Variants in CSMD1 observed in about 807,000 individuals in gnomAD.
CSMD1 encodes CUB and sushi domain-containing protein 1.
CSMD1 carries 213 observed loss-of-function variants against 417.5 expected under a neutral mutation model. The observed-to-expected ratio is 0.51, with a 90% CI of 0.46 to 0.57. The LOEUF is 0.57. Among genes scored for constraint, CSMD1 ranks in the 20% least tolerant of loss-of-function variants. CSMD1 has a pLI of 0.00. For synonymous variants in CSMD1, 2,862 were observed against 1,736.8 expected, an observed-to-expected ratio of 1.65 and a Z score of -16.11; for missense variants, 6,923 against 4,529.7, an observed-to-expected ratio of 1.53 and a Z score of -15.17.
intron 25 of CSMD1, among the ~76,000 whole-genome samples, chr8:3,289,566 C>G (rs1181690555): frequency 5.4e-5 from 6 of 110,360 alleles, no homozygotes; most frequent in African/African-American, 1.3e-4. Context: ...TTGCATTTCT[C>G]TGATGGCCGG....
At chr8:4,082,977 G>C (rs1800221061) in intron 3 of CSMD1, among the ~76,000 whole-genome samples, 1 of 151,804 alleles carries the variant, frequency 6.6e-6, no homozygotes, top group Admixed American at 6.6e-5. Flanking sequence ...GGACTCCATG[G>C]TGTATATGTG....
chr8:3,318,433 G>A (rs924760954), intron 23 of CSMD1, among the ~76,000 whole-genome samples: 1 of 152,142 alleles, frequency 6.6e-6, no homozygotes, highest in Non-Finnish European at 1.5e-5. Flanking sequence ...AGACGCCGAA[G>A]ATACAAAATT....
At chr8:3,809,448 T>A (rs1381819492) in intron 5 of CSMD1, among the ~76,000 whole-genome samples, 1 of 152,240 alleles carries the variant, frequency 6.6e-6, no homozygotes, top group African/African-American at 2.4e-5. Context: ...TAGTACAAAC[T>A]ACCTGGTTCC....
intron 3 of CSMD1, among the ~76,000 whole-genome samples, chr8:4,405,093 C>T (rs910922259): frequency 2.0e-4 from 30 of 152,182 alleles, no homozygotes; most frequent in Non-Finnish European, 4.4e-4. Context: ...GTACAGCGTT[C>T]AGAAGAGATT....
chr8:3,291,669 G>A (rs998262734), intron 25 of CSMD1, among the ~76,000 whole-genome samples: 5 of 152,080 alleles, frequency 3.3e-5, no homozygotes, highest in African/African-American at 9.7e-5. Flanking sequence ...GATCGGTGGT[G>A]ATATTACCTT....
At chr8:4,006,754 C>A (rs994314217) in intron 4 of CSMD1, among the ~76,000 whole-genome samples, 1 of 151,822 alleles carries the variant, frequency 6.6e-6, no homozygotes, top group Non-Finnish European at 1.5e-5. Context: ...AGGAACTCAC[C>A]ACTATTTATT....
chr8:4,748,588 C>T (rs1585037961), intron 1 of CSMD1, among the ~76,000 whole-genome samples: 2 of 152,262 alleles, frequency 1.3e-5, no homozygotes, highest in African/African-American at 2.4e-5. Flanking sequence ...TCTGAGAAGA[C>T]TCACGGGGAG....
intron 23 of CSMD1, among the ~76,000 whole-genome samples, chr8:3,328,818 G>C (rs1056053874): frequency 2.6e-5 from 4 of 152,186 alleles, no homozygotes; most frequent in African/African-American, 9.7e-5. Context: ...TGGGGAATTA[G>C]TTATATATGA....
chr8:3,707,874 T>C (rs906183293), intron 7 of CSMD1, among the ~76,000 whole-genome samples: 2 of 152,112 alleles, frequency 1.3e-5, no homozygotes, highest in African/African-American at 4.8e-5. Context: ...CCTTCATTCC[T>C]CCCACAGCTA....
At chr8:3,299,467 G>C (rs1022474735) in intron 25 of CSMD1, among the ~76,000 whole-genome samples, 20 of 152,086 alleles carry the variant, frequency 1.3e-4, no homozygotes, top group African/African-American at 4.8e-4. Flanking sequence ...AAAAAGGAAT[G>C]CAATGTGGTA....
At chr8:3,332,477 A>T (rs969005565) in intron 23 of CSMD1, among the ~76,000 whole-genome samples, 2 of 152,188 alleles carry the variant, frequency 1.3e-5, no homozygotes, top group African/African-American at 4.8e-5. Context: ...TGCTTAGGGA[A>T]GATCGAGGCA....
At chr8:4,427,155 G>C (rs896918723) in intron 2 of CSMD1, among the ~76,000 whole-genome samples, 1 of 150,450 alleles carries the variant, frequency 6.6e-6, no homozygotes, top group Non-Finnish European at 1.5e-5. Flanking sequence ...GGTGAGGACA[G>C]AATCTACACA....
chr8:4,174,014 C>T (rs13274585), intron 3 of CSMD1, among the ~76,000 whole-genome samples: 2 of 151,968 alleles, frequency 1.3e-5, no homozygotes, highest in Non-Finnish European at 2.9e-5. Context: ...GGATCAATCA[C>T]CATGGCCAAG....
intron 1 of CSMD1, among the ~76,000 whole-genome samples, chr8:4,715,644 C>A (rs772426528): frequency 6.6e-6 from 1 of 152,164 alleles, no homozygotes; most frequent in Non-Finnish European, 1.5e-5. Context: ...CCTTCAAAAT[C>A]ATTTCTCTTC....
chr8:3,304,339 A>C (rs1320234716), intron 25 of CSMD1, among the ~76,000 whole-genome samples: 1 of 152,194 alleles, frequency 6.6e-6, no homozygotes, highest in South Asian at 2.1e-4. Context: ...GCTAATATCA[A>C]GGCTAAGACC....
intron 5 of CSMD1, among the ~76,000 whole-genome samples, chr8:3,763,989 G>A (rs551183772): frequency 3.3e-5 from 5 of 152,214 alleles, no homozygotes. Context: ...CCCCACATCT[G>A]TCTGTTTGTC....
Position 4,847,480 on chromosome 8 carries a change from C to T in CSMD1, c.85+146852G>A, listed in dbSNP as rs184694691. On this transcript the variant is annotated intron_variant, in intron 1 of 69. Coordinates refer to ENST00000635120, the MANE Select transcript of CSMD1 (RefSeq NM_033225.6). The stretch of plus-strand genomic sequence containing the variant: ...AGAGAATTTCCATACACCTAATACC[C>T]GACTACCCCACTATTAACATGTTAA... 3.3e-3 allele frequency among the ~76,000 whole-genome samples: 509 copies of T among 152,126 alleles called. 3 individuals carry two copies. The highest frequency in any genetic ancestry group is 0.014 in the Middle Eastern group (4 of 294).
chr8:4,036,533 T>C (rs779329488), intron 3 of CSMD1, among the ~76,000 whole-genome samples: 2 of 152,194 alleles, frequency 1.3e-5, no homozygotes, highest in Non-Finnish European at 2.9e-5. Flanking sequence ...ACCATAAAAT[T>C]GAATATGAAA....
At chr8:3,871,106 A>T (rs35861123) in intron 5 of CSMD1, among the ~76,000 whole-genome samples, 4 of 152,034 alleles carry the variant, frequency 2.6e-5, no homozygotes, top group African/African-American at 9.7e-5. Context: ...CTATTAATAG[A>T]CATCTAGAAT....
Sources: gnomAD v4.1 joint callset for allele counts (sites outside exome capture counted in the v4.1 genomes callset) on GRCh38, gnomAD v4.1.1 for gene constraint, MANE v1.5 for transcripts, NCBI Gene and HGNC (gene_info 2026-07-23, HGNC 2026-07-21) for gene names.